Variants in CADPS observed in about 807,000 individuals in gnomAD.
The protein encoded by CADPS is calcium dependent secretion activator.
A neutral mutation model predicts 167.3 loss-of-function variants in CADPS; 57 were observed. The ratio of observed to expected loss-of-function variants is 0.34; its 90% CI spans 0.28 to 0.42. The LOEUF is 0.42. CADPS is among the 20% of genes least tolerant of loss of function. The pLI is 1.00. For synonymous variants in CADPS, 676 were observed against 635.3 expected (o/e 1.06, Z -0.96); for missense variants, 1,414 against 1,738.1 (o/e 0.81, Z 3.32).
chr3:62,448,676 C>T (rs760911780), intron 26 of CADPS, among the ~76,000 whole-genome samples: 4 of 151,910 alleles, frequency 2.6e-5, no homozygotes, highest in East Asian at 1.9e-4. Context: ...TGCAGTGGCG[C>T]GATCTCGGCC....
chr3:62,820,035 ACACACACACATG>A (rs2094825913), intron 1 of CADPS, among the ~76,000 whole-genome samples: 1 of 152,132 alleles, frequency 6.6e-6, no homozygotes, highest in South Asian at 2.1e-4. Flanking sequence ...GTGTGCACAC[ACACACACACATG>A]CACACACGAT....
At chr3:62,697,338 C>A (rs1457995798) in intron 3 of CADPS, among the ~76,000 whole-genome samples, 2 of 152,074 alleles carry the variant, frequency 1.3e-5, no homozygotes, top group East Asian at 3.9e-4. Context: ...GCTTAGCTCC[C>A]ACTTATGAGT....
intron 22 of CADPS, among the ~76,000 whole-genome samples, chr3:62,480,919 A>G (rs1281758956): frequency 1.3e-5 from 2 of 152,346 alleles, no homozygotes; most frequent in East Asian, 3.9e-4. Flanking sequence ...TGAAGCTAGA[A>G]GAAATGGCTT....
At chr3:62,536,732 A>C in intron 11 of CADPS, 151 bp from the exon 12 acceptor site, 1 of 728,858 alleles carries the variant, frequency 1.4e-6, no homozygotes, top group South Asian at 1.8e-5. Context: ...TATTCTTTTT[A>C]CCTCCCATTG....
intron 6 of CADPS, among the ~76,000 whole-genome samples, chr3:62,624,545 C>G (rs2063701947): frequency 1.3e-5 from 2 of 148,530 alleles, no homozygotes; most frequent in African/African-American, 4.9e-5. Flanking sequence ...TAAAGAATCA[C>G]TGGAAAAAAA....
chr3:62,532,002 T>C (rs2073801376), intron 13 of CADPS, among the ~76,000 whole-genome samples: 1 of 152,196 alleles, frequency 6.6e-6, no homozygotes, highest in Non-Finnish European at 1.5e-5. Flanking sequence ...GGGGGTTGAT[T>C]AGACTGTGAT....
chr3:62,650,688 G>A (rs1445457277), intron 5 of CADPS, among the ~76,000 whole-genome samples, 159 bp downstream of exon 5: 2 of 152,152 alleles, frequency 1.3e-5, no homozygotes, highest in African/African-American at 4.8e-5. Context: ...CCTGGAGATG[G>A]GGAATCACTT....
intron 6 of CADPS, among the ~76,000 whole-genome samples, chr3:62,631,532 A>AT (rs1409737458): frequency 6.6e-6 from 1 of 152,202 alleles, no homozygotes; most frequent in Non-Finnish European, 1.5e-5. Context: ...ATCCTGCACA[A>AT]ATATAACTAA....
At chr3:62,668,787 G>A (rs1474299725) in intron 3 of CADPS, among the ~76,000 whole-genome samples, 1 of 152,138 alleles carries the variant, frequency 6.6e-6, no homozygotes, top group African/African-American at 2.4e-5. Context: ...GGCAAATACA[G>A]AGTGGGCTCT....
rs527877679 is a variant in CADPS at position 62,482,460 on chromosome 3, G to C, written c.3027-591C>G. ...GTGTATGGGCAATGGCATGTCAGTT[G>C]ATGGTGAAATTATGAAATTGTATCA... On this transcript the variant is annotated intron_variant, in intron 21 of 29. Coordinates refer to ENST00000383710, the MANE Select transcript of CADPS (RefSeq NM_003716.4). Among the ~76,000 whole-genome samples, 13 of 152,308 alleles carry C rather than the reference G, an allele frequency of 8.5e-5. No homozygotes were observed. In the South Asian group the frequency reaches 2.3e-3, roughly 27 times the overall value.
At chr3:62,528,421 C>T (rs748555434) in intron 13 of CADPS, among the ~76,000 whole-genome samples, 1 of 152,058 alleles carries the variant, frequency 6.6e-6, no homozygotes, top group Non-Finnish European at 1.5e-5. Flanking sequence ...TCACTTAGTG[C>T]CTGGAATATA....
intron 16 of CADPS, among the ~76,000 whole-genome samples, chr3:62,515,818 T>C (rs754754797): frequency 2.6e-5 from 4 of 152,116 alleles, no homozygotes; most frequent in South Asian, 2.1e-4. Flanking sequence ...TCTGATAACA[T>C]CCTGTTTTCA....
intron 3 of CADPS, among the ~76,000 whole-genome samples, chr3:62,714,139 T>C (rs2083945750): frequency 6.6e-6 from 1 of 152,054 alleles, no homozygotes; most frequent in Non-Finnish European, 1.5e-5. Flanking sequence ...TAAATGCAGG[T>C]AATGTAAACA....
intron 3 of CADPS, among the ~76,000 whole-genome samples, chr3:62,749,660 T>G (rs760654827): frequency 2.6e-5 from 4 of 152,200 alleles, no homozygotes; most frequent in Non-Finnish European, 5.9e-5. Context: ...AAATGTATAA[T>G]TTCAGACACC....
At chr3:62,721,090 T>C (rs1406332366) in intron 3 of CADPS, among the ~76,000 whole-genome samples, 2 of 146,348 alleles carry the variant, frequency 1.4e-5, no homozygotes, top group East Asian at 3.9e-4. Context: ...GTGCTGAAAT[T>C]ACAGGTGTGA....
intron 4 of CADPS, 88 bp downstream of exon 4, chr3:62,662,226 T>C: frequency 8.8e-7 from 1 of 1,139,488 alleles, no homozygotes; most frequent in Non-Finnish European, 1.3e-6. Context: ...CTTCTCAGCT[T>C]TATCCTTTAG....
intron 6 of CADPS, among the ~76,000 whole-genome samples, chr3:62,633,215 G>A (rs833670): frequency 0.56 from 84,609 of 151,892 alleles, 23,716 homozygotes; most frequent in African/African-American, 0.6. Flanking sequence ...GTCCCAATGT[G>A]TCTTGAACCT....
intron 3 of CADPS, among the ~76,000 whole-genome samples, chr3:62,717,584 G>C (rs574424995): frequency 1.2e-4 from 19 of 152,070 alleles, no homozygotes; most frequent in Admixed American, 9.8e-4. Context: ...TCCATATCTA[G>C]TTGAGCATTC....
At chr3:62,561,416 CTATT>C (rs2152379166) in intron 9 of CADPS, among the ~76,000 whole-genome samples, 1 of 151,046 alleles carries the variant, frequency 6.6e-6, no homozygotes, top group Non-Finnish European at 1.5e-5. Flanking sequence ...CCATGCCTGG[CTATT>C]TTTTTTTTTT....
Sources: gnomAD v4.1 joint callset for allele counts (sites outside exome capture counted in the v4.1 genomes callset) on GRCh38, gnomAD v4.1.1 for gene constraint, MANE v1.5 for transcripts, NCBI Gene and HGNC (gene_info 2026-07-23, HGNC 2026-07-21) for gene names.